Variants in PCDHGA3 observed in about 807,000 individuals in gnomAD.
PCDHGA3 encodes the protein protocadherin gamma-A3.
In PCDHGA3, 40 loss-of-function variants were observed where a neutral mutation model predicts 58.5. The ratio of observed to expected loss-of-function variants is 0.68; its 90% CI spans 0.53 to 0.89. The LOEUF (loss-of-function observed/expected upper bound fraction) is 0.89, where lower values mean the gene tolerates loss of function less well. Ranked by LOEUF, PCDHGA3 falls within the 40% of genes least tolerant of loss-of-function variation. The probability of loss-of-function intolerance (pLI) is 0.00; values close to 1 mark genes in which losing one functional copy is unlikely to be tolerated. For synonymous variants in PCDHGA3, 530 were observed against 525.7 expected (o/e 1.01, Z -0.11); for missense variants, 1,223 against 1,195.9 (o/e 1.02, Z -0.33).
At chr5:141,353,929 T>C (rs575617403) in intron 1 of PCDHGA3, among the ~76,000 whole-genome samples, 12 of 152,396 alleles carry the variant, frequency 7.9e-5, no homozygotes, top group African/African-American at 2.9e-4. Context: ...GAGTCATTTC[T>C]ACTGCTAATT....
chr5:141,355,479 G>A (rs1190263838), intron 1 of PCDHGA3: 5 of 1,613,976 alleles, frequency 3.1e-6, no homozygotes, highest in Non-Finnish European at 4.2e-6. Flanking sequence ...TAGACAGGGA[G>A]GAGCTCTGCG....
At chr5:141,365,587 T>A in intron 1 of PCDHGA3, 1 of 1,613,686 alleles carries the variant, frequency 6.2e-7, no homozygotes, top group Non-Finnish European at 8.5e-7. Context: ...CAGATTATAA[T>A]ATCACTTTAA....
At position 141,366,074 on chromosome 5, in the gene PCDHGA3, G is replaced by A; in HGVS notation, c.2424+19617G>A. The A allele has an allele frequency of 1.9e-6, 3 of 1,614,218 alleles. No homozygotes were observed. In the South Asian group the frequency reaches 3.3e-5, roughly 18 times the overall value. On this transcript the variant is annotated intron_variant, in intron 1 of 3. Coordinates refer to ENST00000253812, the MANE Select transcript of PCDHGA3 (RefSeq NM_018916.4). Reference sequence around the variant, plus strand: ...GGGCGTGGAGCTGGCGCCTCGCTCCGCAGAACCTGGCTACCTGGTGACCAA... The same window carrying A: ...GGGCGTGGAGCTGGCGCCTCGCTCCACAGAACCTGGCTACCTGGTGACCAA...
At chr5:141,370,245 C>G (rs1766766732) in intron 1 of PCDHGA3, 1 of 646,036 alleles carries the variant, frequency 1.5e-6, no homozygotes, top group Non-Finnish European at 2.5e-6. Context: ...GAAAAGTGCA[C>G]TCTCTATCAG....
rs2099664737 is a variant in PCDHGA3, at chr5:141,487,754, G to GTAGAC, written c.2425-7052_2425-7048dup. 1 of 1,552,036 alleles carries GTAGAC rather than the reference G, an allele frequency of 6.4e-7. No homozygotes were observed. The highest frequency in any genetic ancestry group is 1.4e-5 in the African/African-American group (1 of 73,242). ...CATTTTTGTAAGAGGTAACTATGTG[G>GTAGAC]TAGACGCTGTGCTTTGTAACTGTTT... On this transcript the variant is annotated intron_variant, in intron 1 of 3. Transcript: ENST00000253812. This position sits in a 1 kb window ranked among gnomAD's most constrained non-coding sequence, Gnocchi z 5.0.
intron 1 of PCDHGA3, among the ~76,000 whole-genome samples, chr5:141,455,902 TA>T (rs2098836291): frequency 6.7e-6 from 1 of 149,860 alleles, no homozygotes. Context: ...TTTATTTATT[TA>T]TTTATTTATT....
intron 1 of PCDHGA3, chr5:141,419,328 C>T (rs2096360351): frequency 6.2e-7 from 1 of 1,613,954 alleles, no homozygotes. Context: ...GTCTCCTACT[C>T]TCTCATTGCC....
intron 1 of PCDHGA3, chr5:141,355,894 C>T (rs767316640): frequency 6.2e-7 from 1 of 1,613,656 alleles, no homozygotes; most frequent in South Asian, 1.1e-5. Context: ...TCTCATAATA[C>T]TTGTGGATAC....
At chr5:141,479,619 T>C (rs1327758222) in intron 1 of PCDHGA3, 1 of 152,220 alleles carries the variant, frequency 6.6e-6, no homozygotes, top group Non-Finnish European at 1.5e-5. Flanking sequence ...AGGGAAACCA[T>C]GTCTCTTTAA....
chr5:141,421,064 G>A (rs2096543646), intron 1 of PCDHGA3: 2 of 593,294 alleles, frequency 3.4e-6, no homozygotes, highest in Non-Finnish European at 5.7e-6. Context: ...ACACAAAGCG[G>A]AATGAGATGG....
chr5:141,418,396 A>G lies in PCDHGA3; in HGVS notation c.2424+71939A>G, dbSNP rs139206858. 4.9e-3 allele frequency: 7,975 copies of G among 1,613,844 alleles called. 44 individuals are homozygous for G. The highest frequency in any genetic ancestry group is 9.4e-3 in the Admixed American group (567 of 60,030). On this transcript the variant is annotated intron_variant, in intron 1 of 3. Coordinates refer to ENST00000253812, the MANE Select transcript of PCDHGA3 (RefSeq NM_018916.4). Reference sequence around the variant, plus strand: ...AACTAAGTCCTAACGAGTATTTCTCATTGGTGGAGAAAGACAATCCTGATG... The same window carrying G: ...AACTAAGTCCTAACGAGTATTTCTCGTTGGTGGAGAAAGACAATCCTGATG...
chr5:141,401,408 A>T (rs943963302), intron 1 of PCDHGA3, among the ~76,000 whole-genome samples: 9 of 152,200 alleles, frequency 5.9e-5, no homozygotes, highest in African/African-American at 1.7e-4. Context: ...TATGAGAGAG[A>T]AAGAGAGAGA....
chr5:141,413,286 C>G, intron 1 of PCDHGA3: 1 of 1,613,968 alleles, frequency 6.2e-7, no homozygotes, highest in Non-Finnish European at 8.5e-7. Flanking sequence ...AGATCTCCTA[C>G]TCAATTCCTG....
chr5:141,432,945 G>A lies in PCDHGA3; in HGVS notation c.2425-61862G>A, dbSNP rs761055026. On this transcript the variant is annotated intron_variant, in intron 1 of 3. Transcript: ENST00000253812. This position sits in a 1 kb window ranked among gnomAD's most constrained non-coding sequence, Gnocchi z 6.0. ...AAGTCACGCCTGCTGCAGGCTTCAGGAGGCGGCTTGACAGGAGCGCCGGCG... is the reference window on the plus strand; with the variant it reads ...AAGTCACGCCTGCTGCAGGCTTCAGAAGGCGGCTTGACAGGAGCGCCGGCG... 3 of 1,614,218 alleles carry A rather than the reference G, an allele frequency of 1.9e-6. No individual in the cohort carries two copies. The highest frequency in any genetic ancestry group is 2.5e-6 in the Non-Finnish European group (3 of 1,180,058).
chr5:141,422,172 C>A, intron 1 of PCDHGA3: 2 of 1,564,780 alleles, frequency 1.3e-6, no homozygotes, highest in Non-Finnish European at 1.7e-6. Context: ...AATATAGATT[C>A]TATGAGATGG....
chr5:141,409,928 G>C (rs2095338081), intron 1 of PCDHGA3: 1 of 1,613,354 alleles, frequency 6.2e-7, no homozygotes, highest in Non-Finnish European at 8.5e-7. Context: ...CGCGTTCTTC[G>C]ATATGGTACC....
At chr5:141,464,929 G>A (rs1358204606) in intron 1 of PCDHGA3, among the ~76,000 whole-genome samples, 1 of 151,878 alleles carries the variant, frequency 6.6e-6, no homozygotes, top group Non-Finnish European at 1.5e-5. Flanking sequence ...TTGTAGAGAT[G>A]TGAGGTCTCA....
chr5:141,441,697 C>A (rs1415018255), intron 1 of PCDHGA3: 4 of 307,190 alleles, frequency 1.3e-5, no homozygotes, highest in Non-Finnish European at 1.3e-5. Flanking sequence ...CAGCCGCGAG[C>A]CTTCAAGCTC....
In PCDHGA3 at chr5:141,344,503, C is replaced by A. The variant is rs1757427506; in HGVS notation, c.470C>A (p.Ala157Asp). ...VPGTRFPIKT[A>D]FDPDVGINSL... ...GGAACCCGATTTCCAATTAAAACTG[C>A]TTTTGACCCAGATGTAGGCATTAAC... is the stretch of plus-strand genomic sequence containing the variant. Residue 157 changes from alanine (A) to aspartate (D), a missense_variant, in exon 1 of 4, where the codon GCT (alanine) becomes GAT (aspartate). Around this residue, in one of 3 missense-constraint regions of PCDHGA3, gnomAD observed 791 missense variants for 708.5 expected, o/e 1.12. Coordinates refer to ENST00000253812, the MANE Select transcript of PCDHGA3 (RefSeq NM_018916.4). 1 of 1,613,828 alleles carries A rather than the reference C, an allele frequency of 6.2e-7. No individual in the cohort carries two copies. Among genetic ancestry groups the A allele is most frequent in the African/African-American group, 1.3e-5 (1 of 74,922 alleles).
Sources: gnomAD v4.1 joint callset for allele counts (sites outside exome capture counted in the v4.1 genomes callset) on GRCh38, gnomAD v4.1.1 for gene constraint, gnomAD v4.1.1 regional missense constraint, Gnocchi (gnomAD v3.1) non-coding constraint, MANE v1.5 for transcripts, NCBI Gene and HGNC (gene_info 2026-07-23, HGNC 2026-07-21) for gene names.